GRIK1: variants seen among roughly 807,000 people sequenced by gnomAD.
GRIK1 encodes glutamate receptor ionotropic, kainate 1.
In GRIK1, 69 loss-of-function variants were observed where a neutral mutation model predicts 105.7. That is an observed-to-expected ratio of 0.65 (90% confidence interval 0.54 to 0.80). The LOEUF (loss-of-function observed/expected upper bound fraction) is 0.80, where lower values mean the gene tolerates loss of function less well. GRIK1 is among the 30% of genes least tolerant of loss of function. GRIK1 has a pLI of 0.00. For missense variants in GRIK1, 1,109 were observed against 1,167.3 expected (o/e 0.95, Z 0.73); for synonymous variants, 438 against 431.3 (o/e 1.02, Z -0.19).
At chr21:29,867,918 AAG>A (rs1238378576) in intron 1 of GRIK1, among the ~76,000 whole-genome samples, 9 of 127,834 alleles carry the variant, frequency 7.0e-5, no homozygotes, top group East Asian at 2.4e-4. Flanking sequence ...AAGAGAGAGA[AAG>A]AGAGAAAGAG....
chr21:29,568,976 C>T (rs1011792640), intron 14 of GRIK1, among the ~76,000 whole-genome samples: 3 of 152,224 alleles, frequency 2.0e-5, no homozygotes, highest in Non-Finnish European at 4.4e-5. Flanking sequence ...CCATCTTTTG[C>T]CTACCTACCA....
At chr21:29,853,803 G>A (rs2068378811) in intron 1 of GRIK1, among the ~76,000 whole-genome samples, 2 of 152,188 alleles carry the variant, frequency 1.3e-5, no homozygotes, top group African/African-American at 4.8e-5. Flanking sequence ...TTACATACTA[G>A]TGGAAGAAGC....
At chr21:29,707,779 G>A (rs111329369) in intron 1 of GRIK1, among the ~76,000 whole-genome samples, 114 of 151,798 alleles carry the variant, frequency 7.5e-4, no homozygotes, top group Non-Finnish European at 1.5e-3. Flanking sequence ...ACCGCGCCTG[G>A]CCTGACTCTA....
chr21:29,560,403 T>C (rs2090409732), intron 15 of GRIK1, among the ~76,000 whole-genome samples: 1 of 103,648 alleles, frequency 9.6e-6, no homozygotes, highest in African/African-American at 4.9e-5. Context: ...CTTCCTTCCT[T>C]TCTTTCTTTC....
intron 1 of GRIK1, chr21:29,763,703 G>A (rs113547408): frequency 0.042 from 6,447 of 152,308 alleles, 199 homozygotes; most frequent in Non-Finnish European, 0.066. Context: ...GCAAGAATAA[G>A]GAAACTGGAA....
At chr21:29,793,467 CT>C (rs2066479281) in intron 1 of GRIK1, among the ~76,000 whole-genome samples, 1 of 152,026 alleles carries the variant, frequency 6.6e-6, no homozygotes, top group Non-Finnish European at 1.5e-5. Flanking sequence ...CTTTGTCTCT[CT>C]CTCCCACCCC....
At chr21:29,923,398 AAGT>A (rs1241648251) in intron 1 of GRIK1, among the ~76,000 whole-genome samples, 2 of 152,230 alleles carry the variant, frequency 1.3e-5, no homozygotes, top group South Asian at 2.1e-4. Context: ...AATAAACATG[AAGT>A]AGAAGGAAGC....
intron 1 of GRIK1, among the ~76,000 whole-genome samples, chr21:29,715,145 T>C (rs1290518647): frequency 2.0e-5 from 3 of 152,146 alleles, no homozygotes; most frequent in African/African-American, 7.2e-5. Flanking sequence ...GCTACATAAT[T>C]CAGGGTTGTT....
intron 1 of GRIK1, among the ~76,000 whole-genome samples, chr21:29,876,877 G>A (rs2069210570): frequency 6.6e-6 from 1 of 152,048 alleles, no homozygotes; most frequent in African/African-American, 2.4e-5. Flanking sequence ...AAGAATCACT[G>A]AACCAAAAAT....
intron 15 of GRIK1, among the ~76,000 whole-genome samples, chr21:29,560,317 TTC>T (rs1491107270): frequency 8.3e-5 from 10 of 120,492 alleles, no homozygotes; most frequent in South Asian, 5.4e-4. Context: ...CTTTCTTTCT[TTC>T]TTTCTTTCTT....
At chr21:29,728,218 C>T (rs1345370227) in intron 1 of GRIK1, among the ~76,000 whole-genome samples, 1 of 152,150 alleles carries the variant, frequency 6.6e-6, no homozygotes, top group Non-Finnish European at 1.5e-5. Flanking sequence ...AGCTGAAGTT[C>T]AAAACCATAC....
chr21:29,775,125 T>A (rs1160702567), intron 1 of GRIK1, among the ~76,000 whole-genome samples: 5 of 151,986 alleles, frequency 3.3e-5, no homozygotes, highest in African/African-American at 1.2e-4. Flanking sequence ...GAGACCAGCC[T>A]GACCAACCTG....
rs7276846 is a variant in GRIK1 at position 29,849,770 on chromosome 21, A to G, written c.118+89613T>C. Among the ~76,000 whole-genome samples, 499 of 152,332 alleles carry G rather than the reference A, an allele frequency of 3.3e-3. 2 individuals carry two copies. The highest frequency in any genetic ancestry group is 0.012 in the African/African-American group (484 of 41,558). ...GGTAAGGGTTCTTAAAAGCTGGCAC[A>G]TTTCAAGTGCATGGTGAGAAAACTA... On this transcript the variant is annotated intron_variant, in intron 1 of 17. Transcript: ENST00000327783.
chr21:29,880,510 A>G (rs1320437781), intron 1 of GRIK1, among the ~76,000 whole-genome samples: 1 of 152,156 alleles, frequency 6.6e-6, no homozygotes, highest in Non-Finnish European at 1.5e-5. Context: ...CTACATTCTC[A>G]TAAATGGAAG....
At chr21:29,644,426 A>G (rs866516352) in intron 6 of GRIK1, among the ~76,000 whole-genome samples, 16 of 152,238 alleles carry the variant, frequency 1.1e-4, no homozygotes, top group African/African-American at 3.9e-4. Context: ...CGAAGTTAAT[A>G]CTACTCAATT....
At chr21:29,848,311 A>G (rs2146034288) in intron 1 of GRIK1, among the ~76,000 whole-genome samples, 1 of 152,298 alleles carries the variant, frequency 6.6e-6, no homozygotes, top group Admixed American at 6.5e-5. Flanking sequence ...ACTGTCTGGC[A>G]TTAATAATGT....
At chr21:29,678,931 G>C (rs763599646) in intron 3 of GRIK1, among the ~76,000 whole-genome samples, 7 of 152,160 alleles carry the variant, frequency 4.6e-5, no homozygotes, top group Non-Finnish European at 1.0e-4. Flanking sequence ...AAGATTCTTA[G>C]TTCTAGAAGA....
intron 1 of GRIK1, among the ~76,000 whole-genome samples, chr21:29,758,106 T>C (rs2065398378): frequency 6.6e-6 from 1 of 152,222 alleles, no homozygotes; most frequent in Non-Finnish European, 1.5e-5. Context: ...CACATTCCAT[T>C]GGCCAGAATT....
At chr21:29,829,212 G>A (rs1372771533) in intron 1 of GRIK1, among the ~76,000 whole-genome samples, 2 of 152,058 alleles carry the variant, frequency 1.3e-5, no homozygotes, top group Non-Finnish European at 2.9e-5. Flanking sequence ...ACCTCTCTAA[G>A]ACTCTAATAA....
Sources: allele counts gnomAD v4.1 joint callset (sites outside exome capture counted in the v4.1 genomes callset), GRCh38; gene constraint gnomAD v4.1.1; transcripts MANE v1.5; gene names NCBI Gene and HGNC (gene_info 2026-07-23, HGNC 2026-07-21).